Variants in FYB2 observed in about 807,000 individuals in gnomAD.
The protein encoded by FYB2 is FYN-binding protein 2.
In FYB2, 103 loss-of-function variants were observed where a neutral mutation model predicts 94.1. The ratio of observed to expected loss-of-function variants is 1.09; its 90% CI spans 0.93 to 1.29. FYB2 has a LOEUF of 1.29. FYB2 is among the 50% of genes most tolerant of loss of function. FYB2 has a pLI of 0.00. For missense variants in FYB2, 896 were observed against 841.5 expected, an observed-to-expected ratio of 1.06 and a Z score of -0.80; for synonymous variants, 293 against 287.9, an observed-to-expected ratio of 1.02 and a Z score of -0.18.
intron 4 of FYB2, among the ~76,000 whole-genome samples, chr1:56,770,920 G>A (rs149509030): frequency 3.9e-5 from 6 of 152,198 alleles, no homozygotes; most frequent in South Asian, 2.1e-4. Context: ...TCAAGATAAC[G>A]AAAATTTAGT....
intron 15 of FYB2, among the ~76,000 whole-genome samples, chr1:56,729,670 GACATCTACAGAACTTAAT>G (rs1644661774): frequency 1.3e-5 from 2 of 152,078 alleles, no homozygotes. Flanking sequence ...GGACTTAACA[GACATCTACAGAACTTAAT>G]AGACATCTAC....
chr1:56,819,518 C>A, upstream of FYB2: 1 of 614,786 alleles, frequency 1.6e-6, no homozygotes, highest in Non-Finnish European at 2.9e-6. Flanking sequence ...TAGACCAGCA[C>A]CTGCAGGGGA....
chr1:56,753,807 T>G, intron 8 of FYB2, 32 bp downstream of exon 8: 1 of 1,485,688 alleles, frequency 6.7e-7, no homozygotes, highest in Non-Finnish European at 9.4e-7. Context: ...CTGTTATATG[T>G]CTAAACTGCA....
chr1:56,771,231 G>A (rs1013348453), intron 4 of FYB2, among the ~76,000 whole-genome samples: 4 of 152,030 alleles, frequency 2.6e-5, no homozygotes, highest in African/African-American at 9.7e-5. Flanking sequence ...GTTCCTTAGC[G>A]AGAAAATGCA....
intron 1 of FYB2, among the ~76,000 whole-genome samples, chr1:56,810,080 GGAA>G (rs1306117256): frequency 6.6e-6 from 1 of 152,130 alleles, no homozygotes; most frequent in Admixed American, 6.5e-5. Context: ...AGGGAAAGAA[GGAA>G]GAAGAGGAAG....
chr1:56,723,371 AC>A (rs1644524379), intron 17 of FYB2, among the ~76,000 whole-genome samples: 1 of 152,000 alleles, frequency 6.6e-6, no homozygotes, highest in Non-Finnish European at 1.5e-5. Context: ...TTCAAGAACA[AC>A]TTAGGAGTTT....
intron 2 of FYB2, among the ~76,000 whole-genome samples, chr1:56,790,639 AGAGTT>A (rs1646239238): frequency 6.6e-6 from 1 of 152,226 alleles, no homozygotes; most frequent in South Asian, 2.1e-4. Context: ...AAGTGGGGAT[AGAGTT>A]GAGAACAAGA....
chr1:56,800,126 TA>T (rs1205638072), intron 1 of FYB2, among the ~76,000 whole-genome samples: 1 of 152,152 alleles, frequency 6.6e-6, no homozygotes, highest in African/African-American at 2.4e-5. Flanking sequence ...CCAAGAGCCT[TA>T]AGGAATATGT....
At chr1:56,804,635 G>T (rs1646598163) in intron 1 of FYB2, among the ~76,000 whole-genome samples, 1 of 152,016 alleles carries the variant, frequency 6.6e-6, no homozygotes, top group South Asian at 2.1e-4. Context: ...GAGGCTGAGT[G>T]GGGAGGATGG....
chr1:56,780,125 G>T (rs1312300524), intron 4 of FYB2, among the ~76,000 whole-genome samples: 1 of 152,118 alleles, frequency 6.6e-6, no homozygotes, highest in African/African-American at 2.4e-5. Context: ...TACACAAACA[G>T]TAGTTTCTAT....
At chr1:56,748,389 T>C (rs1645117469) in intron 9 of FYB2, among the ~76,000 whole-genome samples, 2 of 152,092 alleles carry the variant, frequency 1.3e-5, no homozygotes, top group African/African-American at 4.8e-5. Flanking sequence ...AGTTTTCCAT[T>C]TAAGTCTTTA....
At chr1:56,732,813 T>TA (rs745816247) in intron 15 of FYB2, among the ~76,000 whole-genome samples, 35 of 149,498 alleles carry the variant, frequency 2.3e-4, no homozygotes, top group Non-Finnish European at 4.2e-4. Flanking sequence ...ACCCACCACT[T>TA]ACACTATACA....
At chr1:56,767,747 A>G in intron 5 of FYB2, 82 bp downstream of exon 5, 1 of 1,070,012 alleles carries the variant, frequency 9.3e-7, no homozygotes, top group Admixed American at 2.2e-5. Context: ...TTAAACTTAC[A>G]GTTAGCTAAA....
intron 13 of FYB2, among the ~76,000 whole-genome samples, chr1:56,739,616 A>G (rs1056343009): frequency 5.9e-5 from 9 of 152,130 alleles, no homozygotes; most frequent in African/African-American, 2.2e-4. Context: ...TCCCAGCCTT[A>G]CAATGGTTTG....
chr1:56,753,044 A>T (rs61676783), intron 8 of FYB2, among the ~76,000 whole-genome samples: 33,250 of 151,982 alleles, frequency 0.22, 4,375 homozygotes, highest in African/African-American at 0.36. Context: ...AACACCCAAC[A>T]TGGTCCAGCC....
intron 1 of FYB2, among the ~76,000 whole-genome samples, chr1:56,793,511 T>C (rs1423652767): frequency 2.0e-5 from 3 of 152,010 alleles, no homozygotes; most frequent in East Asian, 1.9e-4. Context: ...CACTTACAAG[T>C]AGGAGCTAAA....
chr1:56,736,604 T>C (rs771897450), intron 15 of FYB2, among the ~76,000 whole-genome samples: 7 of 151,878 alleles, frequency 4.6e-5, no homozygotes, highest in African/African-American at 7.3e-5. Flanking sequence ...TTAGTAGAGA[T>C]GGGATTTTGC....
chr1:56,793,155 A>G (rs1355024626), intron 1 of FYB2, among the ~76,000 whole-genome samples: 1 of 152,162 alleles, frequency 6.6e-6, no homozygotes, highest in African/African-American at 2.4e-5. Flanking sequence ...TATAAAAATA[A>G]ATTCCAAACT....
intron 1 of FYB2, among the ~76,000 whole-genome samples, chr1:56,804,983 C>T (rs780454355): frequency 1.9e-4 from 29 of 152,222 alleles, no homozygotes; most frequent in East Asian, 3.9e-4. Context: ...TGCCCCTGCC[C>T]GGAATGCCCT....
Sources: allele counts gnomAD v4.1 joint callset (sites outside exome capture counted in the v4.1 genomes callset), GRCh38; gene constraint gnomAD v4.1.1; transcripts MANE v1.5; gene names NCBI Gene and HGNC (gene_info 2026-07-23, HGNC 2026-07-21).